Variants in MTM1 observed in about 807,000 individuals in gnomAD.
The protein encoded by MTM1 is myotubularin.
Under a neutral mutation model 52.1 loss-of-function variants are expected in MTM1, and 9 were observed. The observed-to-expected ratio is 0.17, with a 90% CI of 0.10 to 0.30. MTM1 has a LOEUF of 0.30. Among genes scored for constraint, MTM1 ranks in the 10% least tolerant of loss-of-function variants. MTM1 has a pLI of 1.00. For missense variants in MTM1, 277 were observed against 470.7 expected, an observed-to-expected ratio of 0.59 and a Z score of 3.81; for synonymous variants, 136 against 163.8, an observed-to-expected ratio of 0.83 and a Z score of 1.29.
intron 13 of MTM1, among the ~76,000 whole-genome samples, chrX:150,662,062 G>A (rs782585384): frequency 3.6e-5 from 4 of 111,551 alleles, no homozygotes; most frequent in Non-Finnish European, 5.6e-5. Flanking sequence ...TTTGTCAGTT[G>A]TAAATAATAC....
chrX:150,609,792 G>A (rs975667837), intron 4 of MTM1, among the ~76,000 whole-genome samples: 1 of 111,277 alleles, frequency 9.0e-6, no homozygotes, highest in Non-Finnish European at 1.9e-5. Flanking sequence ...GATCCTCATA[G>A]CCTCTCACTT....
chrX:150,611,163 C>T (rs1275123419), intron 4 of MTM1, among the ~76,000 whole-genome samples: 4 of 112,218 alleles, frequency 3.6e-5, no homozygotes, highest in African/African-American at 1.3e-4. Context: ...TAGGTACAAA[C>T]AGTAAGATCT....
At chrX:150,643,152 A>G (rs782750335) in intron 8 of MTM1, among the ~76,000 whole-genome samples, 2 of 111,606 alleles carry the variant, frequency 1.8e-5, no homozygotes, top group African/African-American at 3.3e-5. Flanking sequence ...CCCAGAAAAC[A>G]TATGTGCCTT....
chrX:150,581,610 G>A (rs1035503946), intron 1 of MTM1, among the ~76,000 whole-genome samples: 3 of 111,296 alleles, frequency 2.7e-5, no homozygotes, highest in East Asian at 5.6e-4. Flanking sequence ...ATTTTATCAC[G>A]TGGATGAAAT....
intron 8 of MTM1, among the ~76,000 whole-genome samples, chrX:150,642,404 A>G (rs2039863382): frequency 8.9e-6 from 1 of 112,293 alleles, no homozygotes; most frequent in Admixed American, 9.4e-5. Flanking sequence ...TTTTTCCACT[A>G]TAGCACTACT....
intron 4 of MTM1, among the ~76,000 whole-genome samples, 183 bp downstream of exon 4, chrX:150,598,869 A>AG (rs1557412677): frequency 8.9e-6 from 1 of 112,156 alleles, no homozygotes; most frequent in Non-Finnish European, 1.9e-5. Flanking sequence ...TGTAAGGAAC[A>AG]GGGTCAATTA....
chrX:150,647,056 G>A (rs2039942300), intron 9 of MTM1, among the ~76,000 whole-genome samples: 2 of 110,683 alleles, frequency 1.8e-5, no homozygotes, highest in African/African-American at 6.6e-5. Context: ...GAAGCAGTCA[G>A]TAAGTTAAAT....
chrX:150,657,409 G>A (rs1242601117), intron 10 of MTM1, among the ~76,000 whole-genome samples: 1 of 105,304 alleles, frequency 9.5e-6, no homozygotes. Flanking sequence ...TCACTCATAG[G>A]TGGGAATTGA....
At chrX:150,660,264 A>C in intron 12 of MTM1, 107 bp from the exon 13 acceptor site, 2 of 525,727 alleles carry the variant, frequency 3.8e-6, no homozygotes. Flanking sequence ...TGTCCTTCCT[A>C]GAGCCCTACA....
chrX:150,637,709 A>G (rs1209643704), intron 6 of MTM1, among the ~76,000 whole-genome samples: 1 of 112,271 alleles, frequency 8.9e-6, no homozygotes, highest in African/African-American at 3.2e-5. Flanking sequence ...AGAGAAGACA[A>G]GAAGCCATGA....
At position 150,593,354 on chromosome X, in the gene MTM1, T is replaced by C. The variant is rs138309294; in HGVS notation, c.63+677T>C. ...TGCTGAGCAGGCTGCTACGCCTTCC[T>C]AATTATTGGCATTATTTTCTAATTA... On this transcript the variant is annotated intron_variant, in intron 2 of 14. Transcript: ENST00000370396. Among the ~76,000 whole-genome samples, 182 of 112,447 alleles carry C rather than the reference T, an allele frequency of 1.6e-3. 1 individual carries two copies. The highest frequency in any genetic ancestry group is 5.5e-3 in the African/African-American group (171 of 30,938).
intron 14 of MTM1, among the ~76,000 whole-genome samples, chrX:150,667,650 A>G (rs981489130): frequency 2.9e-4 from 32 of 112,062 alleles, no homozygotes; most frequent in Admixed American, 4.7e-4. Flanking sequence ...TACCAAGCGT[A>G]ATGCTATATA....
intron 1 of MTM1, among the ~76,000 whole-genome samples, chrX:150,573,344 T>A (rs2038413132): frequency 8.9e-6 from 1 of 112,469 alleles, no homozygotes; most frequent in South Asian, 3.7e-4. Flanking sequence ...ATGAGCAGTT[T>A]GAGTACAGAT....
At chrX:150,583,638 A>AAT (rs1557412054) in intron 1 of MTM1, among the ~76,000 whole-genome samples, 3 of 35,013 alleles carry the variant, frequency 8.6e-5, no homozygotes, top group African/African-American at 3.9e-4. Flanking sequence ...ATTTATATAT[A>AAT]ATATATAATT....
chrX:150,565,090 C>A (rs184048633), upstream of MTM1, among the ~76,000 whole-genome samples: 273 of 112,313 alleles, frequency 2.4e-3, 1 homozygote, highest in African/African-American at 8.6e-3. Flanking sequence ...AACCCTGGAA[C>A]CTTTGTGTCA....
chrX:150,637,346 A>C (rs1557413721), intron 6 of MTM1, among the ~76,000 whole-genome samples: 1 of 111,304 alleles, frequency 9.0e-6, no homozygotes, highest in Non-Finnish European at 1.9e-5. Context: ...CATAGAGGAA[A>C]AGTGCCCAGA....
intron 1 of MTM1, among the ~76,000 whole-genome samples, chrX:150,591,605 G>A (rs2038887008): frequency 8.9e-6 from 1 of 112,974 alleles, no homozygotes; most frequent in Non-Finnish European, 1.9e-5. Flanking sequence ...GCCAAGGTGT[G>A]TTAACCCATT....
At chrX:150,668,303 A>G (rs1181245123) in intron 14 of MTM1, among the ~76,000 whole-genome samples, 1 of 112,285 alleles carries the variant, frequency 8.9e-6, no homozygotes, top group African/African-American at 3.2e-5. Flanking sequence ...TAAATTTTTT[A>G]GGGCAACCTC....
chrX:150,596,337 G>A (rs1048592155), intron 2 of MTM1, among the ~76,000 whole-genome samples, 161 bp from the exon 3 acceptor site: 3 of 112,193 alleles, frequency 2.7e-5, no homozygotes, highest in African/African-American at 9.7e-5. Flanking sequence ...GTGCCAGATT[G>A]TAACTTTTTT....
Sources: allele counts gnomAD v4.1 joint callset (sites outside exome capture counted in the v4.1 genomes callset), GRCh38; gene constraint gnomAD v4.1.1; transcripts MANE v1.5; gene names NCBI Gene and HGNC (gene_info 2026-07-23, HGNC 2026-07-21).